The following COG6 variants were observed in gnomAD, a reference collection of about 807,000 sequenced individuals.
COG6 encodes conserved oligomeric Golgi complex subunit 6.
In COG6, 74 loss-of-function variants were observed where a neutral mutation model predicts 88.8. The ratio of observed to expected loss-of-function variants is 0.83; its 90% confidence interval spans 0.69 to 1.01. The LOEUF (loss-of-function observed/expected upper bound fraction) is 1.01, where lower values mean the gene tolerates loss of function less well. Ranked by LOEUF, COG6 falls within the 50% of genes least tolerant of loss-of-function variation. COG6 has a pLI of 0.00. For synonymous variants in COG6, 286 were observed against 278.7 expected (o/e 1.03, Z -0.26); for missense variants, 800 against 797.9 (o/e 1.00, Z -0.03).
chr13:39,666,855 A>G (rs1205554808), intron 4 of COG6, among the ~76,000 whole-genome samples: 1 of 152,254 alleles, frequency 6.6e-6, no homozygotes. Flanking sequence ...TACCAATATC[A>G]TCTAAAAAAT....
chr13:39,680,688 C>G (rs1876257019), intron 7 of COG6, among the ~76,000 whole-genome samples: 1 of 152,226 alleles, frequency 6.6e-6, no homozygotes, highest in African/African-American at 2.4e-5. Flanking sequence ...CTGGCTGTCA[C>G]TGAGGGTTTT....
At chr13:39,695,683 G>T (rs1434175780) in intron 12 of COG6, among the ~76,000 whole-genome samples, 1 of 151,662 alleles carries the variant, frequency 6.6e-6, no homozygotes, top group Non-Finnish European at 1.5e-5. Context: ...AACAGCTAGG[G>T]AATGGATTTC....
At chr13:39,680,613 C>G (rs561343738) in intron 7 of COG6, among the ~76,000 whole-genome samples, 2 of 152,276 alleles carry the variant, frequency 1.3e-5, no homozygotes. Flanking sequence ...TGTTTCCTTG[C>G]TCATTCAGTT....
intron 18 of COG6, among the ~76,000 whole-genome samples, chr13:39,760,265 G>A (rs1323638103): frequency 6.6e-6 from 1 of 152,010 alleles, no homozygotes; most frequent in African/African-American, 2.4e-5. Flanking sequence ...GGCCTCCAGT[G>A]GAATGTAAAA....
At chr13:39,737,572 A>G (rs1879829377) in intron 18 of COG6, among the ~76,000 whole-genome samples, 2 of 150,092 alleles carry the variant, frequency 1.3e-5, no homozygotes, top group South Asian at 4.3e-4. Flanking sequence ...TCTCAAGCAG[A>G]AGGAAGGAGT....
In COG6 at chr13:39,719,313, A is replaced by C; in HGVS notation, c.1362A>C (p.Ala454=). 1 of 1,612,866 alleles carries C rather than the reference A, an allele frequency of 6.2e-7. No homozygotes were observed. Among genetic ancestry groups the C allele is most frequent in the Non-Finnish European group, 8.5e-7 (1 of 1,179,192 alleles). The change falls in exon 14 of 19, where the codon GCA becomes GCC. Residue 454 remains alanine (A), a synonymous_variant. Transcript: ENST00000455146. Reference sequence around the variant, plus strand: ...TCATGTTGCTGCGTGAAGTTTTAGCATCTCACGATTCTTCAGTTGTACCAT... The same window carrying C: ...TCATGTTGCTGCGTGAAGTTTTAGCCTCTCACGATTCTTCAGTTGTACCAT... The part of the protein sequence containing the change: ...QTLMLLREVL[A]SHDSSVVPLD...
intron 13 of COG6, among the ~76,000 whole-genome samples, chr13:39,706,257 A>ATATATATATATATATATATATATT (rs1877910166): frequency 8.3e-6 from 1 of 119,808 alleles, no homozygotes; most frequent in African/African-American, 2.8e-5. Flanking sequence ...ATACTCCTTT[A>ATATATATATATATATATATATATT]TATATATATA....
intron 18 of COG6, among the ~76,000 whole-genome samples, chr13:39,784,525 T>C (rs1346652471): frequency 6.6e-6 from 1 of 152,220 alleles, no homozygotes; most frequent in Non-Finnish European, 1.5e-5. Context: ...TAGAACACAG[T>C]AGACAGTTCA....
At chr13:39,725,704 CA>C (rs1879097711) in intron 17 of COG6, among the ~76,000 whole-genome samples, 1 of 135,940 alleles carries the variant, frequency 7.4e-6, no homozygotes, top group South Asian at 2.4e-4. Context: ...GAAACAAAAA[CA>C]TAGTAGCAAA....
chr13:39,756,313 G>T (rs964628213), downstream of COG6, among the ~76,000 whole-genome samples: 6 of 151,948 alleles, frequency 3.9e-5, no homozygotes, highest in East Asian at 1.2e-3. Context: ...CAGAAAACTT[G>T]AAGGTGGGTC....
intron 13 of COG6, among the ~76,000 whole-genome samples, chr13:39,715,669 T>C (rs1878488216): frequency 6.6e-6 from 1 of 152,058 alleles, no homozygotes; most frequent in Non-Finnish European, 1.5e-5. Flanking sequence ...ATTATGAGTA[T>C]GTTGATTTCT....
chr13:39,750,070 G>A (rs917027601), intron 18 of COG6, among the ~76,000 whole-genome samples: 1 of 152,248 alleles, frequency 6.6e-6, no homozygotes, highest in South Asian at 2.1e-4. Flanking sequence ...ACAGAAGTAG[G>A]AAACTACAAG....
At chr13:39,790,909 G>A (rs1881920198) in exon 19 of COG6, 1 of 151,822 alleles carries the variant, frequency 6.6e-6, no homozygotes, top group Non-Finnish European at 1.5e-5. Flanking sequence ...CATCATTTGT[G>A]TTATATTTTT....
At position 39,742,244 on chromosome 13, in the gene COG6, C is replaced by T. The variant is rs1041878960; in HGVS notation, c.1827-8702C>T. 3.3e-5 allele frequency among the ~76,000 whole-genome samples: 5 copies of T among 152,154 alleles called. No homozygotes were observed. The South Asian group carries it at 8.3e-4, about 25-fold the overall frequency. ...CATCATAATGACAGGATCAGATTCA[C>T]ACATAACAATATTAACCTTAAATGT... On this transcript the variant is annotated intron_variant, in intron 18 of 18. Coordinates refer to ENST00000455146, the MANE Select transcript of COG6 (RefSeq NM_020751.3).
intron 13 of COG6, among the ~76,000 whole-genome samples, chr13:39,718,172 G>A (rs1199414285): frequency 6.6e-6 from 1 of 152,056 alleles, no homozygotes; most frequent in African/African-American, 2.4e-5. Flanking sequence ...TTGCTTGCAT[G>A]TTTTATGATT....
chr13:39,750,026 T>A lies in COG6; in HGVS notation c.1827-920T>A, dbSNP rs1880538378. Among the ~76,000 whole-genome samples the A allele has an allele frequency of 2.6e-5, 4 of 152,188 alleles. No individual in the cohort carries two copies. The South Asian group carries it at 8.3e-4, about 32-fold the overall frequency. On this transcript the variant is annotated intron_variant, in intron 18 of 18. Transcript: ENST00000455146. The stretch of plus-strand genomic sequence containing the variant: ...CCAGGCAAGAGGTCATTTTAGAACC[T>A]GAGCTGAAGTGATACAACATTGTTA...
intron 18 of COG6, among the ~76,000 whole-genome samples, chr13:39,781,480 G>T (rs1881629815): frequency 1.3e-5 from 2 of 150,294 alleles, no homozygotes; most frequent in African/African-American, 4.9e-5. Flanking sequence ...TAAATGGCTG[G>T]AATGGAACTA....
rs530031470 is a variant in COG6 at position 39,686,981 on chromosome 13, G to A, written c.789-522G>A. On this transcript the variant is annotated intron_variant, in intron 8 of 18. Coordinates refer to ENST00000455146, the MANE Select transcript of COG6 (RefSeq NM_020751.3). ...CTGGGCTCCAGTGACCACCTTCCTCGGCCTCCTAAAGTGCTAGGATTGCAG... is the reference window on the plus strand; with the variant it reads ...CTGGGCTCCAGTGACCACCTTCCTCAGCCTCCTAAAGTGCTAGGATTGCAG... 4.6e-5 allele frequency among the ~76,000 whole-genome samples: 7 copies of A among 151,874 alleles called. No homozygotes were observed. The South Asian group carries it at 6.2e-4, about 14-fold the overall frequency.
At chr13:39,738,564 T>TA (rs1879888633) in intron 18 of COG6, among the ~76,000 whole-genome samples, 1 of 152,168 alleles carries the variant, frequency 6.6e-6, no homozygotes, top group African/African-American at 2.4e-5. Flanking sequence ...TAAGTAACTG[T>TA]ACTAAATGTG....
Sources: allele counts gnomAD v4.1 joint callset (sites outside exome capture counted in the v4.1 genomes callset), GRCh38; gene constraint gnomAD v4.1.1; transcripts MANE v1.5; gene names NCBI Gene and HGNC (gene_info 2026-07-23, HGNC 2026-07-21).